JAKMIP1: variants seen among roughly 807,000 people sequenced by gnomAD.
The protein encoded by JAKMIP1 is janus kinase and microtubule-interacting protein 1.
A neutral mutation model predicts 113.0 loss-of-function variants in JAKMIP1; 33 were observed. The ratio of observed to expected loss-of-function variants is 0.29; its 90% CI spans 0.22 to 0.39. JAKMIP1 has a LOEUF of 0.39. Ranked by LOEUF, JAKMIP1 falls within the 10% of genes least tolerant of loss-of-function variation. The pLI, the probability that JAKMIP1 is intolerant of heterozygous loss-of-function variation, is 1.00. For missense variants in JAKMIP1, 813 were observed against 1,080.5 expected (o/e 0.75, Z 3.47); for synonymous variants, 480 against 459.9 (o/e 1.04, Z -0.56).
intron 1 of JAKMIP1, among the ~76,000 whole-genome samples, chr4:6,169,303 G>T (rs1724041122): frequency 6.6e-6 from 1 of 152,114 alleles, no homozygotes; most frequent in African/African-American, 2.4e-5. Context: ...ACTAGGGTGG[G>T]CCCTTTATTC....
In JAKMIP1 at chr4:6,140,213, C is replaced by T. The variant is rs540417336; in HGVS notation, c.-147-27216G>A. Among the ~76,000 whole-genome samples, 73 of 151,696 alleles carry T rather than the reference C, an allele frequency of 4.8e-4. No individual in the cohort carries two copies. In the South Asian group the frequency reaches 8.8e-3, roughly 18 times the overall value. ...ATCAATGTTCACGTGGCTCTCCACC[C>T]GGACATTTGGGCTGCTCCCTATTTT... On this transcript the variant is annotated intron_variant, in intron 1 of 20. Coordinates refer to ENST00000409021, the MANE Select transcript of JAKMIP1 (RefSeq NM_001099433.2). This position sits in a 1 kb window ranked among gnomAD's most constrained non-coding sequence, Gnocchi z 9.4.
At chr4:6,170,633 C>CCAT (rs146051414) in intron 1 of JAKMIP1, among the ~76,000 whole-genome samples, 69,176 of 149,068 alleles carry the variant, frequency 0.46, 17,724 homozygotes, top group African/African-American at 0.7. Context: ...AACATCAACA[C>CCAT]CATCACCTCT....
intron 18 of JAKMIP1, 102 bp from the exon 19 acceptor site, chr4:6,036,209 T>G (rs115187501): frequency 0.027 from 26,487 of 963,236 alleles, 507 homozygotes; most frequent in South Asian, 0.072. Context: ...GAGGGGGGTT[T>G]CGGGCAGGGA....
In JAKMIP1 at chr4:6,140,454, C is replaced by T. The variant is rs928701045; in HGVS notation, c.-147-27457G>A. On this transcript the variant is annotated intron_variant, in intron 1 of 20. Transcript: ENST00000409021. This position sits in a 1 kb window ranked among gnomAD's most constrained non-coding sequence, Gnocchi z 9.4. Reference sequence around the variant, plus strand: ...CCCAGGAGTGTGTGCTCAGGTCCTGCTTCATCAACACTGGGGGTCAGTGAT... The same window carrying T: ...CCCAGGAGTGTGTGCTCAGGTCCTGTTTCATCAACACTGGGGGTCAGTGAT... Among the ~76,000 whole-genome samples the T allele has an allele frequency of 3.3e-5, 5 of 152,166 alleles. No homozygotes were observed. The highest frequency in any genetic ancestry group is 1.2e-4 in the African/African-American group (5 of 41,456).
intron 1 of JAKMIP1, among the ~76,000 whole-genome samples, chr4:6,170,694 CCTT>C (rs1410281281): frequency 1.2e-4 from 18 of 151,342 alleles, no homozygotes; most frequent in East Asian, 7.8e-4. Flanking sequence ...CTGTCACCCT[CCTT>C]AACACCATCA....
intron 3 of JAKMIP1, among the ~76,000 whole-genome samples, chr4:6,105,059 G>A (rs1578245402): frequency 6.6e-6 from 1 of 152,212 alleles, no homozygotes; most frequent in Non-Finnish European, 1.5e-5. Context: ...CAGATCTCCA[G>A]TATCTTTCAA....
intron 1 of JAKMIP1, among the ~76,000 whole-genome samples, chr4:6,134,470 C>T (rs900047305): frequency 6.6e-6 from 1 of 152,194 alleles, no homozygotes; most frequent in African/African-American, 2.4e-5. Flanking sequence ...TGTTCATCTT[C>T]TTTAAAATTC....
chr4:6,159,183 T>G (rs977891372), intron 1 of JAKMIP1, among the ~76,000 whole-genome samples: 3 of 151,892 alleles, frequency 2.0e-5, no homozygotes, highest in Non-Finnish European at 4.4e-5. Flanking sequence ...AAAGACTAGC[T>G]ATTTAGGAAC....
Position 6,106,794 on chromosome 4 carries a change from A to G in JAKMIP1, c.130-827T>C, listed in dbSNP as rs928156911. Among the ~76,000 whole-genome samples, 9 of 152,146 alleles carry G rather than the reference A, an allele frequency of 5.9e-5. No homozygotes were observed. The highest frequency in any genetic ancestry group is 1.3e-4 in the Non-Finnish European group (9 of 68,032). On this transcript the variant is annotated intron_variant, in intron 2 of 20. Transcript: ENST00000409021. This position sits in a 1 kb window ranked among gnomAD's most constrained non-coding sequence, Gnocchi z 5.9. ...CTTTTTGTTTCAAATATCACTCAAC[A>G]CACATTCCACAGGAACGCCTGACAA... is the stretch of plus-strand genomic sequence containing the variant.
chr4:6,121,998 TG>T (rs1377596625), intron 1 of JAKMIP1, among the ~76,000 whole-genome samples: 1 of 152,200 alleles, frequency 6.6e-6, no homozygotes, highest in African/African-American at 2.4e-5. Flanking sequence ...TAATATACGC[TG>T]TATATATGTG....
In JAKMIP1 at chr4:6,106,049, G is replaced by C. The variant is rs1230676886; in HGVS notation, c.130-82C>G. On this transcript the variant is annotated intron_variant, in intron 2 of 20. Transcript: ENST00000409021. The surrounding 1 kb of genome is among the most constrained non-coding windows in gnomAD (Gnocchi z 5.9). Reference sequence around the variant, plus strand: ...GTCAGGGTCACAGCTGGGGGAGCTGGCCACAGCCTCCCCACGCCCAAGACA... The same window carrying C: ...GTCAGGGTCACAGCTGGGGGAGCTGCCCACAGCCTCCCCACGCCCAAGACA... 4 of 939,736 alleles carry C rather than the reference G, an allele frequency of 4.3e-6. No homozygotes were observed. Among genetic ancestry groups the C allele is most frequent in the South Asian group, 1.7e-5 (1 of 60,270 alleles). 58.2% of individuals were successfully genotyped at this position (939,736 alleles called of 1,614,324 possible).
rs528516497 is a variant in JAKMIP1 at position 6,185,844 on chromosome 4, T to C, written c.-148+14409A>G. On this transcript the variant is annotated intron_variant, in intron 1 of 20. Coordinates refer to ENST00000409021, the MANE Select transcript of JAKMIP1 (RefSeq NM_001099433.2). This position sits in a 1 kb window ranked among gnomAD's most constrained non-coding sequence, Gnocchi z 5.3. ...TCATTAAGGCAGGTGTTCTAGACAA[T>C]ACCTTTAACAGCCCACAGCCAAGTT... 6.6e-6 allele frequency among the ~76,000 whole-genome samples: 1 copy of C among 152,276 alleles called. No homozygotes were observed. Among genetic ancestry groups the C allele is most frequent in the South Asian group, 2.1e-4 (1 of 4,828 alleles).
Position 6,129,212 on chromosome 4 carries a change from G to T in JAKMIP1, c.-147-16215C>A, listed in dbSNP as rs1028802740. Among the ~76,000 whole-genome samples the T allele has an allele frequency of 2.0e-5, 3 of 152,220 alleles. No individual in the cohort carries two copies. Among genetic ancestry groups the T allele is most frequent in the Admixed American group, 1.3e-4 (2 of 15,290 alleles). The stretch of plus-strand genomic sequence containing the variant: ...GCCATCCAGCCATCAAGGGACACAG[G>T]TTTCCTGATTCCTTGATAAAAATAG... On this transcript the variant is annotated intron_variant, in intron 1 of 20. Coordinates refer to ENST00000409021, the MANE Select transcript of JAKMIP1 (RefSeq NM_001099433.2). The surrounding 1 kb of genome is among the most constrained non-coding windows in gnomAD (Gnocchi z 5.4).
At position 6,051,304 on chromosome 4, in the gene JAKMIP1, C is replaced by T. The variant is rs1715632899; in HGVS notation, c.1807-625G>A. 6.6e-6 allele frequency among the ~76,000 whole-genome samples: 1 copy of T among 151,782 alleles called. No homozygotes were observed. Among genetic ancestry groups the T allele is most frequent in the Non-Finnish European group, 1.5e-5 (1 of 67,994 alleles). On this transcript the variant is annotated intron_variant, in intron 13 of 20. Coordinates refer to ENST00000409021, the MANE Select transcript of JAKMIP1 (RefSeq NM_001099433.2). This position sits in a 1 kb window ranked among gnomAD's most constrained non-coding sequence, Gnocchi z 5.0. The stretch of plus-strand genomic sequence containing the variant: ...ATGGCACAATCTTGGCTCACTGCAA[C>T]CTCCACCTCCCGGGTTCAAGTGATT...
In JAKMIP1 at chr4:6,084,967, TAAAAAA is replaced by T. The variant is rs56874913; in HGVS notation, c.835-8_835-3del. The T allele has an allele frequency of 3.4e-4, 130 of 377,434 alleles. No homozygotes were observed. Among genetic ancestry groups the T allele is most frequent in the African/African-American group, 5.0e-4 (9 of 17,890 alleles). The allele number at this position is 377,434 out of a possible 1,614,324, so 23.4% of individuals were successfully genotyped here. On this transcript the variant is annotated splice_region_variant and splice_polypyrimidine_tract_variant and intron_variant, in intron 4 of 20. Coordinates refer to ENST00000409021, the MANE Select transcript of JAKMIP1 (RefSeq NM_001099433.2). ...ATCTCGCTCGTCCATATGTTGATCC[TAAAAAA>T]AAAAAAAAAAAAAAAAAAAAAGTCA...
Position 6,158,954 on chromosome 4 carries a change from T to C in JAKMIP1, c.-148+41299A>G, listed in dbSNP as rs1054776724. 6.6e-6 allele frequency among the ~76,000 whole-genome samples: 1 copy of C among 152,000 alleles called. No homozygotes were observed. The highest frequency in any genetic ancestry group is 2.4e-5 in the African/African-American group (1 of 41,358). ...AAATACAAAAATTAGCGGGGCATAG[T>C]GGCATGCACCTATAGTCCCAGCTAT... On this transcript the variant is annotated intron_variant, in intron 1 of 20. Coordinates refer to ENST00000409021, the MANE Select transcript of JAKMIP1 (RefSeq NM_001099433.2). The surrounding 1 kb of genome is among the most constrained non-coding windows in gnomAD (Gnocchi z 5.3).
intron 19 of JAKMIP1, among the ~76,000 whole-genome samples, chr4:6,034,502 G>C (rs1713144780): frequency 6.6e-6 from 1 of 152,126 alleles, no homozygotes; most frequent in African/African-American, 2.4e-5. Context: ...CAGATATTTG[G>C]TCAAATATTC....
chr4:6,064,631 G>A lies in JAKMIP1; in HGVS notation c.1431+249C>T, dbSNP rs1314958168. Among the ~76,000 whole-genome samples, 1 of 152,074 alleles carries A rather than the reference G, an allele frequency of 6.6e-6. No homozygotes were observed. The highest frequency in any genetic ancestry group is 1.5e-5 in the Non-Finnish European group (1 of 68,024). Reference sequence around the variant, plus strand: ...AACTTGGCAGCCACAGATTTCCTTGGTGGGGAAATCAGTGCTGGGGAAAGA... The same window carrying A: ...AACTTGGCAGCCACAGATTTCCTTGATGGGGAAATCAGTGCTGGGGAAAGA... On this transcript the variant is annotated intron_variant, in intron 9 of 20. Transcript: ENST00000409021. This position sits in a 1 kb window ranked among gnomAD's most constrained non-coding sequence, Gnocchi z 4.3.
At chr4:6,070,412 A>G (rs924077620) in intron 8 of JAKMIP1, among the ~76,000 whole-genome samples, 3 of 152,264 alleles carry the variant, frequency 2.0e-5, no homozygotes, top group Non-Finnish European at 4.4e-5. Flanking sequence ...AGCCAGCTCC[A>G]GGGCAGAGCC....
Sources: gnomAD v4.1 joint callset for allele counts (sites outside exome capture counted in the v4.1 genomes callset) on GRCh38, gnomAD v4.1.1 for gene constraint, Gnocchi (gnomAD v3.1) non-coding constraint, MANE v1.5 for transcripts, NCBI Gene and HGNC (gene_info 2026-07-23, HGNC 2026-07-21) for gene names.